ATP2A3: variants seen among roughly 807,000 people sequenced by gnomAD.
The protein encoded by ATP2A3 is sarcoplasmic/endoplasmic reticulum calcium ATPase 3.
In ATP2A3, 61 loss-of-function variants were observed where a neutral mutation model predicts 106.8. That is an observed-to-expected ratio of 0.57 (90% CI 0.46 to 0.71). ATP2A3 has a LOEUF of 0.71. ATP2A3 is among the 30% of genes least tolerant of loss of function. ATP2A3 has a pLI of 0.00. For synonymous variants in ATP2A3, 611 were observed against 609.3 expected, an observed-to-expected ratio of 1.00 and a Z score of -0.04; for missense variants, 1,201 against 1,423.5, an observed-to-expected ratio of 0.84 and a Z score of 2.52.
In ATP2A3 at chr17:3,925,575, C is replaced by A. The variant is rs755353270; in HGVS notation, c.2981-134G>T. The A allele has an allele frequency of 8.9e-7, 1 of 1,125,470 alleles. No homozygotes were observed. The highest frequency in any genetic ancestry group is 1.3e-6 in the Non-Finnish European group (1 of 773,226). 69.7% of individuals were successfully genotyped at this position (1,125,470 alleles called of 1,614,324 possible). A position where few individuals can be genotyped will look rare whatever the true frequency, so the allele number is the denominator to read the frequency against. ...CTCCCAAGGCCTCCCTTAGTCCAGA[C>A]CTCAGTCTACCCCAGCCCCACCGGA... On this transcript the variant is annotated intron_variant, in intron 20 of 20. Transcript: ENST00000397041. The surrounding 1 kb of genome is among the most constrained non-coding windows in gnomAD (Gnocchi z 4.2).
intron 7 of ATP2A3, among the ~76,000 whole-genome samples, chr17:3,949,136 A>AG (rs2144613864): frequency 1.0e-5 from 1 of 98,060 alleles, no homozygotes; most frequent in East Asian, 2.0e-4. Flanking sequence ...TCAAAAAAAA[A>AG]AAAAAAAAAA....
At chr17:3,952,706 C>A (rs550602574) in intron 3 of ATP2A3, among the ~76,000 whole-genome samples, 2 of 152,374 alleles carry the variant, frequency 1.3e-5, no homozygotes, top group Non-Finnish European at 2.9e-5. Context: ...TCTCCTGCCT[C>A]AGCCTCCAGA....
Position 3,928,154 on chromosome 17 carries a change from T to C in ATP2A3, c.2980+509A>G. ...ACACCTGCCATCCTGTCCTCTCCAC[T>C]CCGGGGTTAAGGCAGACCCAGAGCT... On this transcript the variant is annotated intron_variant, in intron 20 of 20. Coordinates refer to ENST00000397041, the MANE Select transcript of ATP2A3 (RefSeq NM_005173.4). The surrounding 1 kb of genome is among the most constrained non-coding windows in gnomAD (Gnocchi z 6.1). 1.2e-6 allele frequency: 2 copies of C among 1,601,384 alleles called. No individual in the cohort carries two copies. The highest frequency in any genetic ancestry group is 2.2e-5 in the South Asian group (2 of 90,748).
chr17:3,959,147 C>T (rs989523171), intron 1 of ATP2A3, among the ~76,000 whole-genome samples: 2 of 152,086 alleles, frequency 1.3e-5, no homozygotes, highest in Non-Finnish European at 2.9e-5. Context: ...ATCCACCCAC[C>T]TCGGCCTCCC....
Position 3,925,162 on chromosome 17 carries a change from G to C in ATP2A3, c.*260C>G. On this transcript the variant is annotated 3_prime_UTR_variant, in exon 21 of 21. Transcript: ENST00000397041. This position sits in a 1 kb window ranked among gnomAD's most constrained non-coding sequence, Gnocchi z 4.2. ...GCCCCCTCCCAGCCTGCAGCTCCTG[G>C]GCCAGAGCTGCAGAGCAGGGAACTT... 1.7e-6 allele frequency: 1 copy of C among 605,428 alleles called. No homozygotes were observed. The highest frequency in any genetic ancestry group is 2.0e-5 in the South Asian group (1 of 49,554). The allele number at this position is 605,428 out of a possible 1,614,324, so 37.5% of individuals were successfully genotyped here.
chr17:3,962,619 A>G (rs530894547), intron 1 of ATP2A3, among the ~76,000 whole-genome samples: 10 of 152,204 alleles, frequency 6.6e-5, no homozygotes, highest in African/African-American at 2.4e-4. Flanking sequence ...CACCCCAAGG[A>G]TCTCATCTAA....
chr17:3,948,627 C>T (rs1429756008), intron 7 of ATP2A3, among the ~76,000 whole-genome samples: 1 of 152,170 alleles, frequency 6.6e-6, no homozygotes, highest in Non-Finnish European at 1.5e-5. Flanking sequence ...CTATGTTGCT[C>T]AGGCTGGTCT....
At chr17:3,937,037 TCTCA>T (rs565384025) in intron 15 of ATP2A3, 22 of 362,326 alleles carry the variant, frequency 6.1e-5, no homozygotes, top group South Asian at 2.1e-4. Context: ...TACACACACC[TCTCA>T]CTCAGGCACT....
intron 4 of ATP2A3, 28 bp downstream of exon 4, chr17:3,951,553 G>GC: frequency 1.3e-4 from 82 of 647,070 alleles, no homozygotes; most frequent in South Asian, 1.0e-3. Flanking sequence ...ACCGCCCCCC[G>GC]CCCGGTCCCA....
In ATP2A3 at chr17:3,958,887, C is replaced by CAT. The variant is rs1246942368; in HGVS notation, c.119-5179_119-5178dup. ...ATATATATACACACACACACACACA[C>CAT]ATATATATATATTGTTTTTTTTCAG... On this transcript the variant is annotated intron_variant, in intron 1 of 20. Transcript: ENST00000397041. 1.8e-3 allele frequency among the ~76,000 whole-genome samples: 178 copies of CAT among 99,902 alleles called. 2 individuals carry two copies. Among genetic ancestry groups the CAT allele is most frequent in the Non-Finnish European group, 2.9e-3 (146 of 50,340 alleles). The allele number at this position is 99,902 out of a possible 152,430, so 65.5% of individuals were successfully genotyped here.
intron 4 of ATP2A3, 72 bp downstream of exon 4, chr17:3,951,509 G>A: frequency 6.4e-7 from 1 of 1,564,984 alleles, no homozygotes. Flanking sequence ...CAGGACGCCA[G>A]CACCAGGTGG....
chr17:3,937,586 G>T lies in ATP2A3; in HGVS notation c.2151C>A (p.Gly717=). 1 of 1,614,070 alleles carries T rather than the reference G, an allele frequency of 6.2e-7. No individual in the cohort carries two copies. The highest frequency in any genetic ancestry group is 8.5e-7 in the Non-Finnish European group (1 of 1,180,020). Residue 717 remains glycine (G), a synonymous_variant, in exon 15 of 21, where the codon GGC becomes GGA. Coordinates refer to ENST00000397041, the MANE Select transcript of ATP2A3 (RefSeq NM_005173.4). ...DAPALKKAEI[G]IAMGSGTAVA... ...CGGCCGTGCCTGAGCCCATGGCGAT[G>T]CCGATCTCTGCTTTCTTCAGGGCTG...
rs761834790 is a variant in ATP2A3, at chr17:3,924,414, C to T, written c.*1008G>A. On this transcript the variant is annotated 3_prime_UTR_variant, in exon 21 of 21. Coordinates refer to ENST00000397041, the MANE Select transcript of ATP2A3 (RefSeq NM_005173.4). This position sits in a 1 kb window ranked among gnomAD's most constrained non-coding sequence, Gnocchi z 6.4. ...GCCATCCTTAGTGACATCCTTTCGGCTCATGGGTGTCGTGGGGAGGGGGCA... is the reference window on the plus strand; with the variant it reads ...GCCATCCTTAGTGACATCCTTTCGGTTCATGGGTGTCGTGGGGAGGGGGCA... 17 of 204,298 alleles carry T rather than the reference C, an allele frequency of 8.3e-5. No individual in the cohort carries two copies. Among genetic ancestry groups the T allele is most frequent in the Admixed American group, 7.3e-4 (13 of 17,914 alleles). The allele number at this position is 204,298 out of a possible 1,614,324, so 12.7% of individuals were successfully genotyped here. A position where few individuals can be genotyped will look rare whatever the true frequency, so the allele number is the denominator to read the frequency against.
At chr17:3,954,698 T>C (rs1369007238) in intron 1 of ATP2A3, among the ~76,000 whole-genome samples, 4 of 152,098 alleles carry the variant, frequency 2.6e-5, no homozygotes, top group Admixed American at 6.5e-5. Flanking sequence ...GGTTTCACTA[T>C]GTTGGCCAGG....
At position 3,955,776 on chromosome 17, in the gene ATP2A3, G is replaced by A. The variant is rs972622158; in HGVS notation, c.119-2066C>T. 1.4e-4 allele frequency among the ~76,000 whole-genome samples: 21 copies of A among 152,292 alleles called. No homozygotes were observed. Among genetic ancestry groups the A allele is most frequent in the Admixed American group, 5.9e-4 (9 of 15,300 alleles). On this transcript the variant is annotated intron_variant, in intron 1 of 20. Transcript: ENST00000397041. The surrounding 1 kb of genome is among the most constrained non-coding windows in gnomAD (Gnocchi z 4.2). ...CCTGGGGTTGGGAAGCGTGTCATGGGGTACACGTGCCAGCTCCAGTCCTGG... is the reference window on the plus strand; with the variant it reads ...CCTGGGGTTGGGAAGCGTGTCATGGAGTACACGTGCCAGCTCCAGTCCTGG...
At position 3,963,485 on chromosome 17, in the gene ATP2A3, G is replaced by A. The variant is rs1020861719; in HGVS notation, c.118+689C>T. On this transcript the variant is annotated intron_variant, in intron 1 of 20. Transcript: ENST00000397041. ...AGAATCCCACACTCCTTTGAAGGAG[G>A]TGAGGATGAAATGATAGTGAAGCCT... Among the ~76,000 whole-genome samples, 3 of 152,238 alleles carry A rather than the reference G, an allele frequency of 2.0e-5. No individual in the cohort carries two copies. The East Asian group carries it at 5.8e-4, about 29-fold the overall frequency.
chr17:3,950,703 G>GGAC lies in ATP2A3; in HGVS notation c.531_533dup (p.Ser178dup). 1 of 1,613,998 alleles carries GGAC rather than the reference G, an allele frequency of 6.2e-7. No homozygotes were observed. Among genetic ancestry groups the GGAC allele is most frequent in the East Asian group, 2.2e-5 (1 of 44,880 alleles). ...TGGGGGGGGCCTCACCCGTCAGGAT[G>GGAC]GACTGGTCCACTCGCAGCGTGGTGG... is the stretch of plus-strand genomic sequence containing the variant. On this transcript the variant is annotated inframe_insertion, in exon 6 of 21. Transcript: ENST00000397041.
chr17:3,936,570 C>T lies in ATP2A3; in HGVS notation c.2322-101G>A. The T allele has an allele frequency of 7.9e-7, 1 of 1,272,216 alleles. No homozygotes were observed. Among genetic ancestry groups the T allele is most frequent in the Non-Finnish European group, 1.1e-6 (1 of 879,954 alleles). 78.8% of individuals were successfully genotyped at this position (1,272,216 alleles called of 1,614,324 possible). On this transcript the variant is annotated intron_variant, in intron 15 of 20. Coordinates refer to ENST00000397041, the MANE Select transcript of ATP2A3 (RefSeq NM_005173.4). This position sits in a 1 kb window ranked among gnomAD's most constrained non-coding sequence, Gnocchi z 5.4. ...CCAAGGCTGGGAGCTCACCCACCCA[C>T]TGTCTCCACAGCAGCCCCTCCTCCC...
chr17:3,944,945 G>A (rs1489467459), intron 9 of ATP2A3, 115 bp downstream of exon 9: 2 of 1,329,056 alleles, frequency 1.5e-6, no homozygotes, highest in South Asian at 1.6e-5. Context: ...CCCGCCCCGG[G>A]AGAGGCTCCG....
Sources: gnomAD v4.1 joint callset for allele counts (sites outside exome capture counted in the v4.1 genomes callset) on GRCh38, gnomAD v4.1.1 for gene constraint, Gnocchi (gnomAD v3.1) non-coding constraint, MANE v1.5 for transcripts, NCBI Gene and HGNC (gene_info 2026-07-23, HGNC 2026-07-21) for gene names.